GABRB2: variants seen among roughly 807,000 people sequenced by gnomAD.
GABRB2 encodes gamma-aminobutyric acid receptor subunit beta-2.
A neutral mutation model predicts 54.7 loss-of-function variants in GABRB2; 16 were observed. The observed-to-expected ratio is 0.29, with a 90% CI of 0.20 to 0.44. The LOEUF is 0.44. Ranked by LOEUF, GABRB2 falls within the 20% of genes least tolerant of loss-of-function variation. GABRB2 has a pLI of 1.00. For synonymous variants in GABRB2, 244 were observed against 233.8 expected (o/e 1.04, Z -0.40); for missense variants, 355 against 644.0 (o/e 0.55, Z 4.86).
At chr5:161,434,051 A>G (rs1035661050) in intron 4 of GABRB2, among the ~76,000 whole-genome samples, 2 of 152,128 alleles carry the variant, frequency 1.3e-5, no homozygotes, top group Non-Finnish European at 2.9e-5. Context: ...TTAGTGTAAT[A>G]TTTTCAAAGA....
At chr5:161,302,094 G>A (rs1468195889) in intron 9 of GABRB2, among the ~76,000 whole-genome samples, 1 of 152,166 alleles carries the variant, frequency 6.6e-6, no homozygotes, top group East Asian at 1.9e-4. Flanking sequence ...AGGGCAGTTT[G>A]TATAGCAACT....
At chr5:161,374,204 A>G (rs534831237) in intron 5 of GABRB2, among the ~76,000 whole-genome samples, 2 of 152,164 alleles carry the variant, frequency 1.3e-5, no homozygotes, top group African/African-American at 2.4e-5. Context: ...TCGGCCTCCC[A>G]AAGTGCTGGG....
intron 4 of GABRB2, 200 bp downstream of exon 4, chr5:161,459,424 A>C: frequency 1.7e-6 from 1 of 592,720 alleles, no homozygotes; most frequent in Non-Finnish European, 3.0e-6. Context: ...GATAATTCAG[A>C]AAAATGTAGT....
chr5:161,365,498 AATACAG>A (rs1167588729), intron 5 of GABRB2, among the ~76,000 whole-genome samples: 2 of 152,210 alleles, frequency 1.3e-5, no homozygotes, highest in Non-Finnish European at 2.9e-5. Flanking sequence ...GTGATGTTTT[AATACAG>A]ATAATGTATA....
chr5:161,500,025 A>G (rs1315302364), intron 3 of GABRB2, among the ~76,000 whole-genome samples: 1 of 152,196 alleles, frequency 6.6e-6, no homozygotes, highest in African/African-American at 2.4e-5. Context: ...CTCAGGATGT[A>G]AGTTCCATGA....
intron 9 of GABRB2, among the ~76,000 whole-genome samples, chr5:161,325,307 C>A (rs1241650095): frequency 1.3e-5 from 2 of 151,938 alleles, no homozygotes; most frequent in African/African-American, 4.8e-5. Context: ...GGGATTGGAA[C>A]AAAAAATAGT....
At chr5:161,535,982 T>C (rs1760622736) in intron 3 of GABRB2, among the ~76,000 whole-genome samples, 1 of 152,172 alleles carries the variant, frequency 6.6e-6, no homozygotes, top group Non-Finnish European at 1.5e-5. Flanking sequence ...TACCAGGTGA[T>C]GTCTCTGCAC....
intron 5 of GABRB2, among the ~76,000 whole-genome samples, chr5:161,338,285 A>G (rs140907485): frequency 2.3e-4 from 35 of 152,286 alleles, no homozygotes; most frequent in African/African-American, 8.2e-4. Flanking sequence ...GTTATAGAGC[A>G]TTTGAACTTC....
At chr5:161,297,738 A>G (rs1416619587) in intron 9 of GABRB2, among the ~76,000 whole-genome samples, 1 of 152,150 alleles carries the variant, frequency 6.6e-6, no homozygotes, top group Non-Finnish European at 1.5e-5. Context: ...TGTTGCAATA[A>G]ACATATGTGT....
At chr5:161,518,187 G>A (rs1760009990) in intron 3 of GABRB2, among the ~76,000 whole-genome samples, 1 of 152,084 alleles carries the variant, frequency 6.6e-6, no homozygotes, top group South Asian at 2.1e-4. Context: ...CATTGAATGG[G>A]GGAAGATTCT....
intron 3 of GABRB2, among the ~76,000 whole-genome samples, chr5:161,489,926 C>T (rs2113349751): frequency 6.6e-6 from 1 of 151,786 alleles, no homozygotes; most frequent in East Asian, 1.9e-4. Context: ...TTCCCTAAAG[C>T]ATACCAATGG....
chr5:161,438,886 T>A (rs1160753187), intron 4 of GABRB2, among the ~76,000 whole-genome samples: 9 of 151,996 alleles, frequency 5.9e-5, no homozygotes, highest in Non-Finnish European at 8.8e-5. Flanking sequence ...CGGAACACAC[T>A]GACATATGCC....
At chr5:161,407,677 A>G (rs1008757234) in intron 5 of GABRB2, among the ~76,000 whole-genome samples, 6 of 152,042 alleles carry the variant, frequency 3.9e-5, no homozygotes, top group African/African-American at 7.2e-5. Context: ...ACCTGTACTA[A>G]AAGTTTCAGA....
intron 5 of GABRB2, among the ~76,000 whole-genome samples, chr5:161,399,305 G>A (rs1756104947): frequency 6.6e-6 from 1 of 151,902 alleles, no homozygotes; most frequent in African/African-American, 2.4e-5. Context: ...CTTGATACTG[G>A]GTCCTGAATT....
rs970172035 is a variant in GABRB2, at chr5:161,360,077, C to T, written c.542-23308G>A. On this transcript the variant is annotated intron_variant, in intron 5 of 9. Transcript: ENST00000393959. ...CAGCCTTGGCGACACAGCGAGACTC[C>T]GTCTAAAAAAAAAAAATTGTAAAAA... Among the ~76,000 whole-genome samples the T allele has an allele frequency of 7.8e-4, 50 of 63,712 alleles. 1 individual carries two copies. Among genetic ancestry groups the T allele is most frequent in the Admixed American group, 3.4e-3 (16 of 4,762 alleles). 41.8% of individuals were successfully genotyped at this position (63,712 alleles called of 152,430 possible).
intron 5 of GABRB2, among the ~76,000 whole-genome samples, chr5:161,384,048 T>G (rs1367633443): frequency 6.6e-6 from 1 of 152,160 alleles, no homozygotes; most frequent in African/African-American, 2.4e-5. Flanking sequence ...CCACTACAAC[T>G]GGGCCATATA....
At chr5:161,507,331 G>A (rs1759635428) in intron 3 of GABRB2, among the ~76,000 whole-genome samples, 1 of 152,024 alleles carries the variant, frequency 6.6e-6, no homozygotes, top group Admixed American at 6.6e-5. Context: ...ACAGTTAATA[G>A]TATTGTCCCA....
chr5:161,532,326 C>T (rs1222424972), intron 3 of GABRB2, among the ~76,000 whole-genome samples: 1 of 151,982 alleles, frequency 6.6e-6, no homozygotes, highest in Admixed American at 6.6e-5. Context: ...GTCACAAAAG[C>T]CCATATTACA....
chr5:161,547,579 G>T (rs150154329), upstream of GABRB2, among the ~76,000 whole-genome samples: 4 of 151,996 alleles, frequency 2.6e-5, no homozygotes, highest in South Asian at 4.1e-4. Context: ...AGGAGGGGAG[G>T]GGGGCGAGGG....
Sources: allele counts gnomAD v4.1 joint callset (sites outside exome capture counted in the v4.1 genomes callset), GRCh38; gene constraint gnomAD v4.1.1; transcripts MANE v1.5; gene names NCBI Gene and HGNC (gene_info 2026-07-23, HGNC 2026-07-21).